ZCCHC14: variants seen among roughly 807,000 people sequenced by gnomAD.
ZCCHC14 encodes the protein zinc finger CCHC domain-containing protein 14.
In ZCCHC14, 16 loss-of-function variants were observed where a neutral mutation model predicts 85.0. The ratio of observed to expected loss-of-function variants is 0.19; its 90% CI spans 0.13 to 0.29. The LOEUF is 0.29. ZCCHC14 is among the 10% of genes least tolerant of loss of function. The pLI is 1.00. For missense variants in ZCCHC14, 1,303 were observed against 1,443.5 expected, an observed-to-expected ratio of 0.90 and a Z score of 1.58; for synonymous variants, 775 against 630.7, an observed-to-expected ratio of 1.23 and a Z score of -3.43.
Position 87,420,974 on chromosome 16 carries a change from G to A in ZCCHC14, c.841-258C>T, listed in dbSNP as rs1467056113. Among the ~76,000 whole-genome samples the A allele has an allele frequency of 6.6e-6, 1 of 152,256 alleles. No homozygotes were observed. The highest frequency in any genetic ancestry group is 2.4e-5 in the African/African-American group (1 of 41,472). Reference sequence around the variant, plus strand: ...ATCACAATGTTCCTTGAGCCCATCTGAGAGTTGCTGGGCCACTAAGTCAAC... The same window carrying A: ...ATCACAATGTTCCTTGAGCCCATCTAAGAGTTGCTGGGCCACTAAGTCAAC... On this transcript the variant is annotated intron_variant, in intron 4 of 12. Coordinates refer to ENST00000671377, the MANE Select transcript of ZCCHC14 (RefSeq NM_015144.3). The surrounding 1 kb of genome is among the most constrained non-coding windows in gnomAD (Gnocchi z 5.0).
At chr16:87,416,739 G>A (rs1021557450) in intron 8 of ZCCHC14, among the ~76,000 whole-genome samples, 8 of 152,144 alleles carry the variant, frequency 5.3e-5, no homozygotes, top group African/African-American at 1.9e-4. Context: ...CCAGGTGGCA[G>A]TGCAAGACTC....
chr16:87,491,643 G>T lies in ZCCHC14; in HGVS notation c.570+26C>A. ...GTTGGGGATGCAGACTTGGGGTACA[G>T]GGCAGAGCTCGGGGCGGGCACGCAC... On this transcript the variant is annotated intron_variant, in intron 1 of 12. Coordinates refer to ENST00000671377, the MANE Select transcript of ZCCHC14 (RefSeq NM_015144.3). The surrounding 1 kb of genome is among the most constrained non-coding windows in gnomAD (Gnocchi z 5.9). The T allele has an allele frequency of 7.2e-7, 1 of 1,390,346 alleles. No individual in the cohort carries two copies. The highest frequency in any genetic ancestry group is 1.7e-5 in the South Asian group (1 of 59,510). The allele number at this position is 1,390,346 out of a possible 1,614,324, so 86.1% of individuals were successfully genotyped here.
chr16:87,439,945 C>T (rs971675541), intron 2 of ZCCHC14, among the ~76,000 whole-genome samples: 2 of 152,210 alleles, frequency 1.3e-5, no homozygotes, highest in African/African-American at 4.8e-5. Context: ...TTTTCCCACA[C>T]AATTTTATGC....
chr16:87,416,519 A>G (rs1375383136), intron 8 of ZCCHC14, among the ~76,000 whole-genome samples: 1 of 152,108 alleles, frequency 6.6e-6, no homozygotes, highest in African/African-American at 2.4e-5. Flanking sequence ...GCACTTTGGG[A>G]GACCGAGGTG....
At chr16:87,463,709 G>A (rs1239888956) in intron 1 of ZCCHC14, among the ~76,000 whole-genome samples, 4 of 152,254 alleles carry the variant, frequency 2.6e-5, no homozygotes, top group African/African-American at 4.8e-5. Context: ...TGTAATCCCA[G>A]CTACTCGGGA....
chr16:87,462,086 C>T (rs986726001), intron 1 of ZCCHC14, among the ~76,000 whole-genome samples: 2 of 145,228 alleles, frequency 1.4e-5, no homozygotes, highest in Admixed American at 6.9e-5. Context: ...TGGGTAACAG[C>T]GAGACCCTGT....
intron 2 of ZCCHC14, among the ~76,000 whole-genome samples, chr16:87,449,126 C>T (rs914340918): frequency 6.6e-6 from 1 of 152,224 alleles, no homozygotes; most frequent in African/African-American, 2.4e-5. Flanking sequence ...CACCAGCCAA[C>T]CCACACATCC....
At position 87,440,321 on chromosome 16, in the gene ZCCHC14, C is replaced by T. The variant is rs369554995; in HGVS notation, c.695-7120G>A. ...CTGGGATTACAGGCGCACACCACCA[C>T]GCCTGGCTAATTTTTGCATTTTTAG... On this transcript the variant is annotated intron_variant, in intron 2 of 12. Coordinates refer to ENST00000671377, the MANE Select transcript of ZCCHC14 (RefSeq NM_015144.3). Among the ~76,000 whole-genome samples the T allele has an allele frequency of 5.3e-5, 8 of 151,756 alleles. No homozygotes were observed. In the South Asian group the frequency reaches 1.2e-3, roughly 24 times the overall value.
chr16:87,430,936 T>C (rs1909626498), intron 3 of ZCCHC14, among the ~76,000 whole-genome samples: 1 of 146,216 alleles, frequency 6.8e-6, no homozygotes, highest in African/African-American at 2.5e-5. Context: ...GCAGGGGAGT[T>C]TGAGACCAGC....
rs375769467 is a variant in ZCCHC14, at chr16:87,434,121, C to T, written c.695-920G>A. The stretch of plus-strand genomic sequence containing the variant: ...GGATGAGCGGCCTCACCAGGGAGCC[C>T]GGAAGGCATCAGCCTACTCATCCCG... On this transcript the variant is annotated intron_variant, in intron 2 of 12. Transcript: ENST00000671377. 4.6e-4 allele frequency among the ~76,000 whole-genome samples: 70 copies of T among 152,274 alleles called. 1 individual carries two copies. The highest frequency in any genetic ancestry group is 1.6e-3 in the African/African-American group (66 of 41,544).
intron 1 of ZCCHC14, among the ~76,000 whole-genome samples, chr16:87,470,150 T>C (rs1021226612): frequency 2.6e-5 from 4 of 151,858 alleles, no homozygotes; most frequent in East Asian, 3.9e-4. Context: ...CTGGGCAACA[T>C]AGTGAGACTA....
At position 87,413,121 on chromosome 16, in the gene ZCCHC14, A is replaced by C. The variant is rs144981609; in HGVS notation, c.1678T>G (p.Ser560Ala). The C allele has an allele frequency of 1.5e-5, 24 of 1,613,348 alleles. No individual in the cohort carries two copies. The highest frequency in any genetic ancestry group is 1.9e-5 in the Non-Finnish European group (22 of 1,179,776). The stretch of plus-strand genomic sequence containing the variant: ...GCCTGTACCCCCATGGGGCTGGAGG[A>C]GGAGCTGGAGTACTCCGAGGAACTG... ...EGSSSEYSSS[S>A]SSPMGVQARE... Residue 560 changes from serine (S) to alanine (A), a missense_variant, in exon 11 of 13, where the codon TCC becomes GCC. This residue lies in a region of ZCCHC14 where 797 missense variants were observed against 730.8 expected (regional missense o/e 1.09). Coordinates refer to ENST00000671377, the MANE Select transcript of ZCCHC14 (RefSeq NM_015144.3).
At chr16:87,417,894 G>T in intron 7 of ZCCHC14, 152 bp from the exon 8 acceptor site, 1 of 889,622 alleles carries the variant, frequency 1.1e-6, no homozygotes, top group Non-Finnish European at 1.6e-6. Context: ...CAACACTGCT[G>T]TGCTATGACT....
intron 1 of ZCCHC14, among the ~76,000 whole-genome samples, chr16:87,469,311 T>C (rs1422839203): frequency 2.6e-5 from 4 of 152,204 alleles, no homozygotes; most frequent in Admixed American, 2.6e-4. Flanking sequence ...CAGATCAAAT[T>C]ATCTCCATGT....
chr16:87,422,199 G>A (rs7190306), intron 4 of ZCCHC14, among the ~76,000 whole-genome samples: 1 of 152,124 alleles, frequency 6.6e-6, no homozygotes, highest in South Asian at 2.1e-4. Context: ...CCTGGCAGCA[G>A]AAATGAGGAC....
intron 1 of ZCCHC14, among the ~76,000 whole-genome samples, chr16:87,479,965 G>A (rs1209709150): frequency 1.3e-5 from 2 of 151,560 alleles, no homozygotes; most frequent in Non-Finnish European, 2.9e-5. Context: ...AAATAGAGAT[G>A]GGGTTTCGCC....
At chr16:87,481,347 AAC>A (rs1912257347) in intron 1 of ZCCHC14, among the ~76,000 whole-genome samples, 1 of 152,020 alleles carries the variant, frequency 6.6e-6, no homozygotes, top group Non-Finnish European at 1.5e-5. Context: ...CTTGCATTCT[AAC>A]ACAGATTTCT....
In ZCCHC14 at chr16:87,409,090, G is replaced by A. The variant is rs923640839; in HGVS notation, c.*1190C>T. On this transcript the variant is annotated 3_prime_UTR_variant, in exon 13 of 13. Transcript: ENST00000671377. ...CCAAAACCAGACTTGCACAGATCTCGCAGCTCTCGGGTGTGTGGCCTCTTC... is the reference window on the plus strand; with the variant it reads ...CCAAAACCAGACTTGCACAGATCTCACAGCTCTCGGGTGTGTGGCCTCTTC... The A allele has an allele frequency of 1.3e-5, 2 of 152,336 alleles. No homozygotes were observed. Among genetic ancestry groups the A allele is most frequent in the Admixed American group, 6.5e-5 (1 of 15,278 alleles). The allele number at this position is 152,336 out of a possible 1,614,324, so 9.4% of individuals were successfully genotyped here. A position where few individuals can be genotyped will look rare whatever the true frequency, so the allele number is the denominator to read the frequency against.
rs1222443350 is a variant in ZCCHC14, at chr16:87,492,418, G to A, written c.-180C>T. On this transcript the variant is annotated 5_prime_UTR_variant, in exon 1 of 13. Coordinates refer to ENST00000671377, the MANE Select transcript of ZCCHC14 (RefSeq NM_015144.3). The surrounding 1 kb of genome is among the most constrained non-coding windows in gnomAD (Gnocchi z 6.7). ...GCGCCGGGGCGGGGGCGGGGACCGG[G>A]GCCGGGCAAGGCTCCCGTCAGGGGC... The A allele has an allele frequency of 6.9e-6, 1 of 145,114 alleles. No individual in the cohort carries two copies. Among genetic ancestry groups the A allele is most frequent in the Non-Finnish European group, 1.5e-5 (1 of 65,580 alleles). The allele number at this position is 145,114 out of a possible 1,614,324, so 9.0% of individuals were successfully genotyped here.
Sources: allele counts gnomAD v4.1 joint callset (sites outside exome capture counted in the v4.1 genomes callset), GRCh38; gene constraint gnomAD v4.1.1; regional missense constraint gnomAD v4.1.1; non-coding constraint Gnocchi (gnomAD v3.1); transcripts MANE v1.5; gene names NCBI Gene and HGNC (gene_info 2026-07-23, HGNC 2026-07-21).